Variants in PRKG1 observed in about 807,000 individuals in gnomAD.
The protein encoded by PRKG1 is cGMP-dependent protein kinase 1.
A neutral mutation model predicts 88.1 loss-of-function variants in PRKG1; 35 were observed. The observed-to-expected ratio is 0.40, with a 90% confidence interval of 0.30 to 0.53. The LOEUF is 0.53. Ranked by LOEUF, PRKG1 falls within the 20% of genes least tolerant of loss-of-function variation. PRKG1 has a pLI of 0.59. For synonymous variants in PRKG1, 303 were observed against 292.5 expected (o/e 1.04, Z -0.37); for missense variants, 540 against 839.8 (o/e 0.64, Z 4.41).
chr10:52,169,187 C>A (rs552481365), intron 9 of PRKG1, among the ~76,000 whole-genome samples: 13 of 152,092 alleles, frequency 8.5e-5, no homozygotes, highest in Non-Finnish European at 1.6e-4. Context: ...AGAAGGAACA[C>A]CACATGCACA....
rs377335715 is a variant in PRKG1 at position 51,874,625 on chromosome 10, AAAG to A, written c.699-32874_699-32872del. ...TACCTTAGCCCATTTCCTAAAAGAA[AAAG>A]AAGAAGACATCTGAGTTAAGATAAT... On this transcript the variant is annotated intron_variant, in intron 4 of 17. Coordinates refer to ENST00000373980, the MANE Select transcript of PRKG1 (RefSeq NM_006258.4). 2.5e-3 allele frequency among the ~76,000 whole-genome samples: 387 copies of A among 152,344 alleles called. 2 individuals carry two copies. Among genetic ancestry groups the A allele is most frequent in the Non-Finnish European group, 4.5e-3 (307 of 68,028 alleles).
intron 3 of PRKG1, among the ~76,000 whole-genome samples, chr10:51,658,625 C>T (rs1840220411): frequency 6.6e-6 from 1 of 151,936 alleles, no homozygotes; most frequent in Admixed American, 6.6e-5. Flanking sequence ...ATAAGCATAA[C>T]TCGTAGCAAG....
intron 2 of PRKG1, among the ~76,000 whole-genome samples, chr10:51,236,393 T>C (rs768763985): frequency 6.6e-6 from 1 of 152,184 alleles, no homozygotes; most frequent in Non-Finnish European, 1.5e-5. Context: ...TTTGTCAGCT[T>C]TCATGTGATA....
At chr10:51,838,793 A>G (rs983742477) in intron 4 of PRKG1, among the ~76,000 whole-genome samples, 4 of 152,126 alleles carry the variant, frequency 2.6e-5, no homozygotes, top group East Asian at 1.9e-4. Flanking sequence ...CCCTAGGGCT[A>G]TTGTTAGCCT....
At chr10:51,551,282 T>C (rs1272529256) in intron 3 of PRKG1, among the ~76,000 whole-genome samples, 2 of 151,866 alleles carry the variant, frequency 1.3e-5, no homozygotes, top group East Asian at 3.9e-4. Flanking sequence ...GTTAAGGAAT[T>C]CAAAGTTTTT....
intron 1 of PRKG1, among the ~76,000 whole-genome samples, chr10:51,107,294 A>G (rs1844860986): frequency 6.6e-6 from 1 of 152,122 alleles, no homozygotes; most frequent in Admixed American, 6.6e-5. Context: ...AGAAGCTTGG[A>G]TATTATCCCA....
At position 51,694,710 on chromosome 10, in the gene PRKG1, T is replaced by C. The variant is rs140827234; in HGVS notation, c.593-109875T>C. ...ATGATGAATGAATTGGTGATTTTAT[T>C]TTAGTCTACACATCCTAGGGAAAAT... On this transcript the variant is annotated intron_variant, in intron 3 of 17. Transcript: ENST00000373980. 4.0e-4 allele frequency among the ~76,000 whole-genome samples: 61 copies of C among 152,284 alleles called. No individual in the cohort carries two copies. In the East Asian group the frequency reaches 4.6e-3, roughly 12 times the overall value.
chr10:51,735,842 G>A (rs999045067), intron 3 of PRKG1, among the ~76,000 whole-genome samples: 1 of 135,948 alleles, frequency 7.4e-6, no homozygotes, highest in African/African-American at 2.7e-5. Flanking sequence ...TATGGGGCAG[G>A]GGGCCTGACT....
At chr10:51,495,926 A>G (rs889627403) in intron 3 of PRKG1, among the ~76,000 whole-genome samples, 12 of 152,218 alleles carry the variant, frequency 7.9e-5, no homozygotes, top group African/African-American at 2.9e-4. Flanking sequence ...ACTCTTAAAA[A>G]TAAAGTAATA....
chr10:52,085,228 G>A (rs776764599), intron 7 of PRKG1, among the ~76,000 whole-genome samples: 2 of 151,940 alleles, frequency 1.3e-5, no homozygotes, highest in Non-Finnish European at 2.9e-5. Flanking sequence ...GCATGCAAAT[G>A]TTCTGCTCTG....
intron 4 of PRKG1, among the ~76,000 whole-genome samples, chr10:51,874,539 G>T (rs150059198): frequency 1.3e-4 from 20 of 152,034 alleles, no homozygotes; most frequent in African/African-American, 4.8e-4. Context: ...TGAAATGTTC[G>T]TGCTTTTTTT....
intron 3 of PRKG1, among the ~76,000 whole-genome samples, chr10:51,562,805 G>A (rs1199377415): frequency 2.0e-5 from 3 of 152,024 alleles, no homozygotes; most frequent in African/African-American, 7.2e-5. Context: ...GTCTCATTCT[G>A]TCACCCAGGC....
intron 2 of PRKG1, among the ~76,000 whole-genome samples, chr10:51,406,577 T>G (rs543055905): frequency 5.3e-5 from 8 of 151,860 alleles, no homozygotes; most frequent in Admixed American, 5.2e-4. Context: ...GAAACTATTA[T>G]GTTAACTACT....
chr10:52,169,633 T>C (rs1251032614), intron 9 of PRKG1, among the ~76,000 whole-genome samples: 1 of 152,206 alleles, frequency 6.6e-6, no homozygotes, highest in Admixed American at 6.5e-5. Flanking sequence ...TTCTAGTATG[T>C]TACTTAACAA....
rs1294341652 is a variant in PRKG1, at chr10:52,294,875, A to G, written c.*975A>G. On this transcript the variant is annotated 3_prime_UTR_variant, in exon 18 of 18. Transcript: ENST00000373980. Reference sequence around the variant, plus strand: ...AATAAAAACTATATAGGTGCTATGTATATCTTTCATCTGTAAATGTCAGTG... The same window carrying G: ...AATAAAAACTATATAGGTGCTATGTGTATCTTTCATCTGTAAATGTCAGTG... 1.3e-5 allele frequency: 2 copies of G among 152,644 alleles called. No individual in the cohort carries two copies. The highest frequency in any genetic ancestry group is 4.1e-4 in the South Asian group (2 of 4,824). 9.5% of individuals were successfully genotyped at this position (152,644 alleles called of 1,614,324 possible). A position where few individuals can be genotyped will look rare whatever the true frequency, so the allele number is the denominator to read the frequency against.
chr10:51,357,649 G>A (rs1842395003), intron 2 of PRKG1, among the ~76,000 whole-genome samples: 1 of 151,898 alleles, frequency 6.6e-6, no homozygotes, highest in African/African-American at 2.4e-5. Context: ...TGATGTTAGT[G>A]GTCATATCCC....
At chr10:51,433,583 T>C (rs892945897) in intron 2 of PRKG1, among the ~76,000 whole-genome samples, 18 of 152,010 alleles carry the variant, frequency 1.2e-4, no homozygotes, top group Non-Finnish European at 2.2e-4. Context: ...AAATAATGAC[T>C]CAATCCGAAG....
chr10:52,006,093 A>C (rs1844728100), intron 5 of PRKG1, among the ~76,000 whole-genome samples: 1 of 77,002 alleles, frequency 1.3e-5, no homozygotes, highest in Admixed American at 1.7e-4. Flanking sequence ...CAAAACAAAC[A>C]AACAAACAAA....
chr10:51,385,223 C>A (rs1274073069), intron 2 of PRKG1, among the ~76,000 whole-genome samples: 1 of 152,094 alleles, frequency 6.6e-6, no homozygotes, highest in Non-Finnish European at 1.5e-5. Context: ...GACAAATATT[C>A]CAGATGTCAA....
Sources: gnomAD v4.1 joint callset for allele counts (sites outside exome capture counted in the v4.1 genomes callset) on GRCh38, gnomAD v4.1.1 for gene constraint, MANE v1.5 for transcripts, NCBI Gene and HGNC (gene_info 2026-07-23, HGNC 2026-07-21) for gene names.